Variants in DYNC1I1 observed in about 807,000 individuals in gnomAD.
DYNC1I1 encodes dynein cytoplasmic 1 intermediate chain 1, also known as cytoplasmic dynein 1 intermediate chain 1.
In DYNC1I1, 43 loss-of-function variants were observed where a neutral mutation model predicts 86.6. The ratio of observed to expected loss-of-function variants is 0.50; its 90% CI spans 0.39 to 0.64. The LOEUF (loss-of-function observed/expected upper bound fraction) is 0.64. DYNC1I1 is among the 30% of genes least tolerant of loss of function. DYNC1I1 has a pLI of 0.00. For synonymous variants in DYNC1I1, 262 were observed against 283.7 expected (o/e 0.92, Z 0.77); for missense variants, 604 against 788.8 (o/e 0.77, Z 2.81).
rs765755659 is a variant in DYNC1I1 at position 96,076,122 on chromosome 7, C to G, written c.1575C>G (p.Pro525=). The part of the protein sequence containing the change: ...ADYVYDVMWS[P]VHPALFACVD... ...ATGTGTACGATGTCATGTGGTCCCC[C>G]GTGCATCCTGCGCTTTTTGCCTGCG... The change falls in exon 15 of 17, where the codon CCC becomes CCG. Residue 525 remains proline (P), a synonymous_variant. Transcript: ENST00000447467. 6.2e-7 allele frequency: 1 copy of G among 1,614,142 alleles called. No homozygotes were observed. The highest frequency in any genetic ancestry group is 2.2e-5 in the East Asian group (1 of 44,854).
chr7:96,018,716 A>T (rs1794460361), intron 10 of DYNC1I1, among the ~76,000 whole-genome samples: 1 of 152,204 alleles, frequency 6.6e-6, no homozygotes, highest in Non-Finnish European at 1.5e-5. Flanking sequence ...ACAAGGAGAG[A>T]TGTAAAAACT....
At chr7:95,941,461 G>C (rs1014250249) in intron 6 of DYNC1I1, among the ~76,000 whole-genome samples, 1 of 152,158 alleles carries the variant, frequency 6.6e-6, no homozygotes. Flanking sequence ...CACCCAGTTC[G>C]AGCTTCCCGG....
chr7:95,966,495 A>G (rs540522168), intron 6 of DYNC1I1, among the ~76,000 whole-genome samples: 56 of 152,314 alleles, frequency 3.7e-4, no homozygotes, highest in African/African-American at 1.3e-3. Context: ...AAAACCACAA[A>G]TGTAGATTAC....
At chr7:95,950,938 G>C (rs1197870026) in intron 6 of DYNC1I1, among the ~76,000 whole-genome samples, 1 of 152,134 alleles carries the variant, frequency 6.6e-6, no homozygotes, top group Non-Finnish European at 1.5e-5. Context: ...ACATCCCTCT[G>C]TTTTCTTGAG....
At chr7:95,811,754 C>T (rs997816150) in intron 3 of DYNC1I1, among the ~76,000 whole-genome samples, 1 of 152,026 alleles carries the variant, frequency 6.6e-6, no homozygotes, top group Non-Finnish European at 1.5e-5. Context: ...GACTGATGGA[C>T]CTTCTTTTCT....
chr7:96,018,595 C>A (rs1159130114), intron 10 of DYNC1I1, among the ~76,000 whole-genome samples: 1 of 152,138 alleles, frequency 6.6e-6, no homozygotes, highest in Non-Finnish European at 1.5e-5. Flanking sequence ...AACAAGAAAA[C>A]TCCTAGTGTC....
intron 6 of DYNC1I1, among the ~76,000 whole-genome samples, chr7:95,930,596 T>C (rs2116407547): frequency 6.6e-6 from 1 of 152,312 alleles, no homozygotes; most frequent in East Asian, 1.9e-4. Flanking sequence ...GAAACCTCAC[T>C]ATTTGGTCTC....
At chr7:95,890,801 A>G (rs1026629844) in intron 6 of DYNC1I1, among the ~76,000 whole-genome samples, 1 of 152,164 alleles carries the variant, frequency 6.6e-6, no homozygotes, top group African/African-American at 2.4e-5. Flanking sequence ...CATTTCGAAC[A>G]GGTTCTCTGG....
intron 10 of DYNC1I1, among the ~76,000 whole-genome samples, chr7:96,022,772 G>A (rs1794584906): frequency 6.6e-6 from 1 of 151,988 alleles, no homozygotes; most frequent in Admixed American, 6.6e-5. Context: ...GGCTGAGACA[G>A]GAGGATCACT....
chr7:96,014,452 A>G (rs1794354995), intron 10 of DYNC1I1, among the ~76,000 whole-genome samples: 1 of 152,182 alleles, frequency 6.6e-6, no homozygotes, highest in African/African-American at 2.4e-5. Context: ...TGTGGATTAC[A>G]AAGGGAAATT....
chr7:95,999,860 C>A (rs1356281684), intron 10 of DYNC1I1, among the ~76,000 whole-genome samples: 1 of 152,116 alleles, frequency 6.6e-6, no homozygotes, highest in East Asian at 1.9e-4. Context: ...CAGTAAACCT[C>A]ATTTCTTCCT....
intron 10 of DYNC1I1, among the ~76,000 whole-genome samples, chr7:96,012,784 G>A (rs1794307003): frequency 6.6e-6 from 1 of 152,096 alleles, no homozygotes; most frequent in African/African-American, 2.4e-5. Context: ...ATAGAATAAT[G>A]GCCACCCAAA....
At chr7:95,801,446 T>C (rs1794575574) in intron 1 of DYNC1I1, among the ~76,000 whole-genome samples, 1 of 152,202 alleles carries the variant, frequency 6.6e-6, no homozygotes, top group Admixed American at 6.5e-5. Context: ...TACAAGACTT[T>C]CTTATATTAT....
chr7:95,858,828 A>G (rs2633936), intron 5 of DYNC1I1, among the ~76,000 whole-genome samples: 76,608 of 149,522 alleles, frequency 0.51, 21,472 homozygotes, highest in Non-Finnish European at 0.64. Flanking sequence ...TTTACCCTTT[A>G]ATTCTATTCT....
intron 6 of DYNC1I1, among the ~76,000 whole-genome samples, chr7:95,882,895 A>G (rs906849800): frequency 3.3e-5 from 5 of 152,186 alleles, no homozygotes; most frequent in Non-Finnish European, 2.9e-5. Context: ...CTCTCGTCAC[A>G]TTATATCATC....
At chr7:95,979,038 C>T (rs566827047) in intron 7 of DYNC1I1, among the ~76,000 whole-genome samples, 9 of 152,338 alleles carry the variant, frequency 5.9e-5, no homozygotes, top group Admixed American at 3.9e-4. Context: ...TCGTGATCCA[C>T]CCGCCTTAGC....
At chr7:96,068,394 T>G (rs955649594) in intron 14 of DYNC1I1, among the ~76,000 whole-genome samples, 7 of 152,200 alleles carry the variant, frequency 4.6e-5, no homozygotes, top group African/African-American at 1.4e-4. Context: ...TTAAATATAA[T>G]GTAAAATACA....
chr7:95,826,171 A>C (rs1357879051), intron 4 of DYNC1I1, among the ~76,000 whole-genome samples: 1 of 152,196 alleles, frequency 6.6e-6, no homozygotes, highest in Non-Finnish European at 1.5e-5. Context: ...TATGTGTATT[A>C]AAATTTGAGA....
chr7:95,812,015 C>A (rs139152949), intron 3 of DYNC1I1, among the ~76,000 whole-genome samples: 368 of 152,256 alleles, frequency 2.4e-3, no homozygotes, highest in Non-Finnish European at 4.7e-3. Flanking sequence ...TGCATTACTG[C>A]CAACGGACTC....
Sources: allele counts gnomAD v4.1 joint callset (sites outside exome capture counted in the v4.1 genomes callset), GRCh38; gene constraint gnomAD v4.1.1; transcripts MANE v1.5; gene names NCBI Gene and HGNC (gene_info 2026-07-23, HGNC 2026-07-21).